Variants in CCDC141 observed in about 807,000 individuals in gnomAD.
CCDC141 encodes coiled-coil domain-containing protein 141.
In CCDC141, 168 loss-of-function variants were observed where a neutral mutation model predicts 181.0. The ratio of observed to expected loss-of-function variants is 0.93; its 90% CI spans 0.82 to 1.05. The LOEUF (loss-of-function observed/expected upper bound fraction) is 1.05, where lower values mean the gene tolerates loss of function less well. Among genes scored for constraint, CCDC141 ranks in the 50% least tolerant of loss-of-function variants. The pLI is 0.00. For missense variants in CCDC141, 1,902 were observed against 1,788.5 expected (o/e 1.06, Z -1.14); for synonymous variants, 666 against 642.3 (o/e 1.04, Z -0.56).
At chr2:178,863,254 T>A (rs528545929) in intron 17 of CCDC141, among the ~76,000 whole-genome samples, 1 of 152,318 alleles carries the variant, frequency 6.6e-6, no homozygotes, top group South Asian at 2.1e-4. Context: ...AAAATGAACA[T>A]ACTGAACTGG....
At chr2:178,852,228 G>A (rs1052368368) in intron 20 of CCDC141, among the ~76,000 whole-genome samples, 19 of 152,160 alleles carry the variant, frequency 1.2e-4, no homozygotes, top group African/African-American at 4.3e-4. Flanking sequence ...AGGACGGGAA[G>A]GGAATTTAAC....
chr2:179,023,460 T>A (rs1417078447), intron 2 of CCDC141, among the ~76,000 whole-genome samples: 2 of 152,252 alleles, frequency 1.3e-5, no homozygotes, highest in African/African-American at 2.4e-5. Context: ...TATGATTTTT[T>A]AAATATTAAA....
At chr2:178,819,389 T>C in the CCDC141 span, among the ~76,000 whole-genome samples, 1 of 152,164 alleles carries the variant, frequency 6.6e-6, no homozygotes, top group East Asian at 1.9e-4. Flanking sequence ...TTAAAACTAT[T>C]TAGTAATCTA....
chr2:179,047,609 C>T (rs2043542108), intron 1 of CCDC141, among the ~76,000 whole-genome samples: 1 of 152,098 alleles, frequency 6.6e-6, no homozygotes, highest in African/African-American at 2.4e-5. Context: ...CATGCCCTGT[C>T]TTTTATTTTT....
chr2:179,041,495 T>A (rs995407180), intron 2 of CCDC141, among the ~76,000 whole-genome samples: 2 of 127,134 alleles, frequency 1.6e-5, no homozygotes, highest in African/African-American at 7.8e-5. Context: ...TTGTGGGTTT[T>A]TTTTTTTTTT....
chr2:178,918,636 C>T, intron 7 of CCDC141, 77 bp downstream of exon 7: 1 of 1,212,588 alleles, frequency 8.2e-7, no homozygotes, highest in East Asian at 2.6e-5. Flanking sequence ...CTGTGATGTG[C>T]TCCAGTCAGT....
At position 178,845,758 on chromosome 2, in the gene CCDC141, GT is replaced by G. The variant is rs747675094; in HGVS notation, c.3358-17del. On this transcript the variant is annotated splice_polypyrimidine_tract_variant and intron_variant, in intron 21 of 23. Transcript: ENST00000443758. The stretch of plus-strand genomic sequence containing the variant: ...CATCTCCCTGCTGTACAAAGCAACA[GT>G]TAGTGAGAGCATGAGCCAGGAAAGT... The G allele has an allele frequency of 3.4e-6, 5 of 1,457,304 alleles. No homozygotes were observed. The highest frequency in any genetic ancestry group is 4.8e-6 in the Non-Finnish European group (5 of 1,037,346). The allele number at this position is 1,457,304 out of a possible 1,614,324, so 90.3% of individuals were successfully genotyped here. A position where few individuals can be genotyped will look rare whatever the true frequency, so the allele number is the denominator to read the frequency against.
At chr2:178,918,075 C>G (rs1688530266) in intron 7 of CCDC141, among the ~76,000 whole-genome samples, 2 of 152,124 alleles carry the variant, frequency 1.3e-5, no homozygotes, top group African/African-American at 4.8e-5. Flanking sequence ...AATGTGGGCA[C>G]AAGTGTCCCC....
intron 5 of CCDC141, among the ~76,000 whole-genome samples, chr2:178,955,507 GAAT>G (rs1690122698): frequency 6.6e-6 from 1 of 151,872 alleles, no homozygotes. Context: ...TCAAATAGCA[GAAT>G]ACTATACACT....
intron 10 of CCDC141, among the ~76,000 whole-genome samples, chr2:178,886,114 C>A (rs1686871504): frequency 6.6e-6 from 1 of 152,162 alleles, no homozygotes; most frequent in Non-Finnish European, 1.5e-5. Flanking sequence ...GAAGGAGGCT[C>A]TTCTGCTGAG....
intron 11 of CCDC141, among the ~76,000 whole-genome samples, chr2:178,880,408 G>A (rs1177689522): frequency 6.6e-6 from 1 of 152,134 alleles, no homozygotes; most frequent in East Asian, 1.9e-4. Flanking sequence ...AAGAAGGGGA[G>A]TGTGAAGGGG....
intron 2 of CCDC141, among the ~76,000 whole-genome samples, chr2:179,033,951 T>C (rs946407054): frequency 6.6e-5 from 10 of 152,138 alleles, no homozygotes; most frequent in Non-Finnish European, 1.0e-4. Flanking sequence ...TATTTCACAG[T>C]ATGAAAAAAG....
intron 11 of CCDC141, 36 bp downstream of exon 11, chr2:178,884,865 C>T (rs1348194400): frequency 1.3e-6 from 2 of 1,508,916 alleles, no homozygotes; most frequent in East Asian, 4.9e-5. Context: ...GGGCAGTGGC[C>T]ACCTTGCTGA....
rs537932909 is a variant in CCDC141 at position 178,872,156 on chromosome 2, C to G, written c.2056G>C (p.Ala686Pro). The change falls in exon 13 of 24, where the codon GCA (alanine) becomes CCA (proline). Residue 686 changes from alanine (A) to proline (P), a missense_variant. Physicochemically the swap from Ala to Pro is conservative, Grantham distance 27 (BLOSUM62 -1). Transcript: ENST00000443758. ...ESKPGKQQWA[A>P]FKEQLKKTSH... ...ACCTTTTTAAGTTGCTCTTTGAATG[C>G]CGCCCACTGCTGTTTTCCAGGCTTG... The G allele has an allele frequency of 6.2e-7, 1 of 1,613,434 alleles. No individual in the cohort carries two copies. The highest frequency in any genetic ancestry group is 8.5e-7 in the Non-Finnish European group (1 of 1,179,768).
intron 2 of CCDC141, among the ~76,000 whole-genome samples, chr2:178,979,243 A>G (rs925628574): frequency 2.0e-5 from 3 of 152,194 alleles, no homozygotes; most frequent in Admixed American, 2.0e-4. Flanking sequence ...TGCTTACATA[A>G]TTGTCTCATT....
chr2:178,984,768 A>C (rs1269830420), intron 2 of CCDC141, among the ~76,000 whole-genome samples: 1 of 151,820 alleles, frequency 6.6e-6, no homozygotes, highest in Admixed American at 6.6e-5. Context: ...AGAGCTAACT[A>C]TCCTAAATAT....
At chr2:178,912,022 T>C (rs1688240402) in intron 7 of CCDC141, among the ~76,000 whole-genome samples, 1 of 152,204 alleles carries the variant, frequency 6.6e-6, no homozygotes, top group Non-Finnish European at 1.5e-5. Context: ...CTATGAACAA[T>C]TTCATGTAGT....
At chr2:178,986,007 A>G (rs1317154559) in intron 2 of CCDC141, among the ~76,000 whole-genome samples, 1 of 152,214 alleles carries the variant, frequency 6.6e-6, no homozygotes, top group East Asian at 1.9e-4. Flanking sequence ...GGGCAGAGAC[A>G]CAACCAAAAA....
At chr2:178,962,827 C>T (rs1188628132) in intron 4 of CCDC141, among the ~76,000 whole-genome samples, 1 of 152,086 alleles carries the variant, frequency 6.6e-6, no homozygotes, top group Non-Finnish European at 1.5e-5. Flanking sequence ...ACTTTTCATT[C>T]TTATCTTCTT....
Sources: gnomAD v4.1 joint callset for allele counts (sites outside exome capture counted in the v4.1 genomes callset) on GRCh38, gnomAD v4.1.1 for gene constraint, MANE v1.5 for transcripts, NCBI Gene and HGNC (gene_info 2026-07-23, HGNC 2026-07-21) for gene names.